SGCZ: variants seen among roughly 807,000 people sequenced by gnomAD.
SGCZ encodes zeta-sarcoglycan.
SGCZ carries 40 observed loss-of-function variants against 41.3 expected under a neutral mutation model. That is an observed-to-expected ratio of 0.97 (90% CI 0.75 to 1.26). SGCZ has a LOEUF of 1.26. Ranked by LOEUF, SGCZ falls within the 50% of genes most tolerant of loss-of-function variation. The pLI is 0.00. For missense variants in SGCZ, 552 were observed against 369.8 expected, an observed-to-expected ratio of 1.49 and a Z score of -4.04; for synonymous variants, 206 against 137.5, an observed-to-expected ratio of 1.50 and a Z score of -3.49.
Position 14,327,666 on chromosome 8 carries a change from CTT to C in SGCZ, c.235-3464_235-3463del, listed in dbSNP as rs1159486912. On this transcript the variant is annotated intron_variant, in intron 2 of 7. Transcript: ENST00000382080. ...CATCTTTGATTTTGGAGTTTTCAGT[CTT>C]GAGCTTCGTGTGTTTTCTTCTTATA... is the stretch of plus-strand genomic sequence containing the variant. 7.2e-5 allele frequency among the ~76,000 whole-genome samples: 11 copies of C among 152,298 alleles called. No homozygotes were observed. The East Asian group carries it at 2.1e-3, about 29-fold the overall frequency.
At chr8:14,547,740 A>G (rs9325715) in intron 2 of SGCZ, among the ~76,000 whole-genome samples, 54,673 of 151,972 alleles carry the variant, frequency 0.36, 10,173 homozygotes, top group Non-Finnish European at 0.39. Flanking sequence ...TAATCAGCAC[A>G]AGGTAACCCT....
chr8:14,187,991 T>C (rs1244161445), intron 4 of SGCZ, among the ~76,000 whole-genome samples: 1 of 152,062 alleles, frequency 6.6e-6, no homozygotes, highest in African/African-American at 2.4e-5. Flanking sequence ...GGTTAACAGC[T>C]GGCCTCTCAT....
intron 5 of SGCZ, among the ~76,000 whole-genome samples, chr8:14,118,628 T>G (rs1336762373): frequency 1.3e-5 from 2 of 152,176 alleles, no homozygotes; most frequent in Admixed American, 6.5e-5. Flanking sequence ...AGTCATGAGG[T>G]CTTTGCCCAC....
At chr8:14,757,461 G>A (rs955416210) in intron 1 of SGCZ, among the ~76,000 whole-genome samples, 5 of 152,162 alleles carry the variant, frequency 3.3e-5, no homozygotes, top group Non-Finnish European at 5.9e-5. Flanking sequence ...AACCACTACC[G>A]ATGCCTCTTT....
chr8:14,503,804 T>A (rs910863201), intron 2 of SGCZ, among the ~76,000 whole-genome samples: 8 of 152,070 alleles, frequency 5.3e-5, no homozygotes, highest in Middle Eastern at 3.2e-3. Flanking sequence ...AACAGAATAA[T>A]TTTTAAGACT....
chr8:15,069,274 T>G (rs1215958331), intron 1 of SGCZ, among the ~76,000 whole-genome samples: 1 of 152,136 alleles, frequency 6.6e-6, no homozygotes, highest in African/African-American at 2.4e-5. Flanking sequence ...CCTCAAGTGA[T>G]CCTCCTGCCT....
At chr8:14,393,445 G>A (rs1804857962) in intron 2 of SGCZ, among the ~76,000 whole-genome samples, 1 of 152,092 alleles carries the variant, frequency 6.6e-6, no homozygotes, top group Non-Finnish European at 1.5e-5. Context: ...CTGATCAACT[G>A]GAAAGCCAAT....
At chr8:15,157,228 T>C (rs1048984323) in intron 1 of SGCZ, among the ~76,000 whole-genome samples, 3 of 151,844 alleles carry the variant, frequency 2.0e-5, no homozygotes, top group African/African-American at 4.8e-5. Context: ...CAATATGATA[T>C]TTTTCTCATA....
chr8:14,865,742 G>A (rs934142838), intron 1 of SGCZ, among the ~76,000 whole-genome samples: 1 of 152,074 alleles, frequency 6.6e-6, no homozygotes, highest in African/African-American at 2.4e-5. Flanking sequence ...GGAGTTGGGA[G>A]GCTTAGAACC....
chr8:14,664,034 A>T (rs1423921246), intron 1 of SGCZ, among the ~76,000 whole-genome samples: 1 of 152,138 alleles, frequency 6.6e-6, no homozygotes, highest in Non-Finnish European at 1.5e-5. Context: ...ATTCACTCCA[A>T]CTATGTTAAA....
intron 1 of SGCZ, among the ~76,000 whole-genome samples, chr8:15,236,972 C>G (rs1216826090): frequency 6.6e-6 from 1 of 152,224 alleles, no homozygotes; most frequent in African/African-American, 2.4e-5. Flanking sequence ...TAGCCGTCCC[C>G]GGCAGCGGGG....
intron 1 of SGCZ, among the ~76,000 whole-genome samples, chr8:14,777,903 A>G (rs1358900566): frequency 6.6e-6 from 1 of 151,838 alleles, no homozygotes; most frequent in Non-Finnish European, 1.5e-5. Flanking sequence ...ATTTCCAAAA[A>G]AAAAAAAAAA....
intron 1 of SGCZ, among the ~76,000 whole-genome samples, chr8:15,131,143 C>T (rs1807882178): frequency 6.6e-6 from 1 of 152,150 alleles, no homozygotes; most frequent in Non-Finnish European, 1.5e-5. Context: ...AAATAAGGTG[C>T]TTCAGTGATA....
intron 2 of SGCZ, among the ~76,000 whole-genome samples, chr8:14,385,224 C>A (rs1804530465): frequency 6.6e-6 from 1 of 152,096 alleles, no homozygotes; most frequent in Admixed American, 6.6e-5. Flanking sequence ...CACAGGTGGA[C>A]TCATGAACTG....
At chr8:14,885,642 A>C (rs1804758557) in intron 1 of SGCZ, among the ~76,000 whole-genome samples, 1 of 152,004 alleles carries the variant, frequency 6.6e-6, no homozygotes, top group Non-Finnish European at 1.5e-5. Flanking sequence ...AGGGACTTTC[A>C]TCTTTATATT....
intron 2 of SGCZ, among the ~76,000 whole-genome samples, chr8:14,402,150 G>T (rs929579100): frequency 6.6e-6 from 1 of 152,066 alleles, no homozygotes; most frequent in African/African-American, 2.4e-5. Context: ...TTTTCTTCTT[G>T]TAAATTTGAC....
At chr8:15,209,677 T>A (rs994156926) in intron 1 of SGCZ, among the ~76,000 whole-genome samples, 2 of 152,098 alleles carry the variant, frequency 1.3e-5, no homozygotes, top group Admixed American at 1.3e-4. Flanking sequence ...CACATAGATA[T>A]CAACAGACAA....
chr8:14,308,690 G>A (rs1006771153), intron 3 of SGCZ, among the ~76,000 whole-genome samples: 1 of 152,040 alleles, frequency 6.6e-6, no homozygotes, highest in African/African-American at 2.4e-5. Flanking sequence ...ATGGATTTTA[G>A]TATGAAGATA....
At chr8:14,853,626 A>T (rs1281277511) in intron 1 of SGCZ, 2 of 365,234 alleles carry the variant, frequency 5.5e-6, no homozygotes, top group Admixed American at 2.8e-5. Flanking sequence ...TGTCCTTTAA[A>T]GAACTGAATC....
Sources: gnomAD v4.1 joint callset for allele counts (sites outside exome capture counted in the v4.1 genomes callset) on GRCh38, gnomAD v4.1.1 for gene constraint, MANE v1.5 for transcripts, NCBI Gene and HGNC (gene_info 2026-07-23, HGNC 2026-07-21) for gene names.